Variants in SSBP3 observed in about 807,000 individuals in gnomAD.
SSBP3 encodes single-stranded DNA-binding protein 3.
Under a neutral mutation model 69.6 loss-of-function variants are expected in SSBP3, and 5 were observed. That is an observed-to-expected ratio of 0.07 (90% confidence interval 0.04 to 0.15). The LOEUF is 0.15. Among genes scored for constraint, SSBP3 ranks in the 10% least tolerant of loss-of-function variants. The pLI is 1.00. For synonymous variants in SSBP3, 196 were observed against 193.4 expected (o/e 1.01, Z -0.11); for missense variants, 312 against 534.0 (o/e 0.58, Z 4.10).
chr1:54,274,009 C>T (rs867120518), intron 5 of SSBP3, among the ~76,000 whole-genome samples: 7 of 152,198 alleles, frequency 4.6e-5, no homozygotes, highest in South Asian at 2.1e-4. Context: ...GACAGCAGGG[C>T]GGAGGAGCTG....
chr1:54,369,262 T>C, intron 4 of SSBP3, among the ~76,000 whole-genome samples: 1 of 110,526 alleles, frequency 9.0e-6, no homozygotes, highest in Non-Finnish European at 1.7e-5. Context: ...GGCGAGGGTT[T>C]GAGGTGAACT....
intron 5 of SSBP3, among the ~76,000 whole-genome samples, chr1:54,263,764 G>A (rs1421178741): frequency 6.6e-6 from 1 of 152,296 alleles, no homozygotes; most frequent in East Asian, 1.9e-4. Context: ...AGGTACCTTG[G>A]GGCAGGGCCC....
At chr1:54,388,716 G>A (rs1166712398) in intron 4 of SSBP3, among the ~76,000 whole-genome samples, 1 of 152,176 alleles carries the variant, frequency 6.6e-6, no homozygotes, top group Non-Finnish European at 1.5e-5. Context: ...GATGGGAGCT[G>A]TTCACACAGG....
At chr1:54,247,792 G>A (rs1036184458) in intron 9 of SSBP3, among the ~76,000 whole-genome samples, 2 of 152,178 alleles carry the variant, frequency 1.3e-5, no homozygotes, top group African/African-American at 4.8e-5. Context: ...GTCCAACCAG[G>A]AGCCCCTCAG....
At chr1:54,238,737 C>G (rs1381663048) in intron 14 of SSBP3, 2 of 320,770 alleles carry the variant, frequency 6.2e-6, no homozygotes, top group Non-Finnish European at 1.3e-5. Context: ...CTGGCTCCAC[C>G]CTCAACTCCA....
At chr1:54,240,047 G>GGGGTGT (rs759078115) in intron 13 of SSBP3, among the ~76,000 whole-genome samples, 5 of 77,806 alleles carry the variant, frequency 6.4e-5, no homozygotes, top group Non-Finnish European at 1.1e-4. Flanking sequence ...ATTGTGATGG[G>GGGGTGT]GTGTGTGTGT....
intron 5 of SSBP3, among the ~76,000 whole-genome samples, chr1:54,280,587 G>C (rs1040520643): frequency 3.9e-5 from 6 of 152,158 alleles, no homozygotes; most frequent in African/African-American, 1.4e-4. Context: ...TTGAAAGAAC[G>C]AGAGATGTTA....
chr1:54,396,204 A>ACAAAAC (rs1648863432), intron 4 of SSBP3, among the ~76,000 whole-genome samples: 5 of 148,326 alleles, frequency 3.4e-5, no homozygotes, highest in African/African-American at 1.2e-4. Context: ...AAAAAAAAAA[A>ACAAAAC]AAAAAAAAAA....
At chr1:54,343,184 T>C (rs747387132) in intron 4 of SSBP3, among the ~76,000 whole-genome samples, 2 of 152,184 alleles carry the variant, frequency 1.3e-5, no homozygotes, top group Non-Finnish European at 2.9e-5. Flanking sequence ...GCTTTTCATA[T>C]TGCTACTACC....
chr1:54,389,985 G>T (rs941726652), intron 4 of SSBP3, among the ~76,000 whole-genome samples: 1 of 151,896 alleles, frequency 6.6e-6, no homozygotes, highest in Non-Finnish European at 1.5e-5. Context: ...TACAAAATAG[G>T]AATAACAGAA....
chr1:54,259,962 T>C (rs1191905307), intron 5 of SSBP3, among the ~76,000 whole-genome samples: 1 of 152,248 alleles, frequency 6.6e-6, no homozygotes, highest in African/African-American at 2.4e-5. Flanking sequence ...CATTTAGCAA[T>C]TTTGCAAGCA....
At chr1:54,396,440 T>C (rs114072165) in intron 4 of SSBP3, among the ~76,000 whole-genome samples, 89 of 152,302 alleles carry the variant, frequency 5.8e-4, no homozygotes, top group African/African-American at 2.1e-3. Context: ...TTCTGTTATC[T>C]TGGCTGACAG....
At chr1:54,349,878 T>C (rs373091427) in intron 4 of SSBP3, among the ~76,000 whole-genome samples, 109 of 152,266 alleles carry the variant, frequency 7.2e-4, no homozygotes, top group African/African-American at 2.5e-3. Flanking sequence ...CTGGAATACA[T>C]AACACAAATT....
chr1:54,344,251 G>C (rs2100541336), intron 4 of SSBP3, among the ~76,000 whole-genome samples: 2 of 152,234 alleles, frequency 1.3e-5, no homozygotes, highest in East Asian at 3.9e-4. Context: ...CCAGAGTTTT[G>C]TTTACGTTTA....
At chr1:54,238,033 A>T (rs752569070) in intron 14 of SSBP3, 2 of 412,370 alleles carry the variant, frequency 4.9e-6, no homozygotes, top group South Asian at 3.6e-5. Context: ...CACTGACAAA[A>T]CCCAGGACTT....
intron 9 of SSBP3, 43 bp from the exon 10 acceptor site, chr1:54,243,342 C>T (rs757737330): frequency 3.1e-6 from 5 of 1,611,150 alleles, no homozygotes; most frequent in East Asian, 4.5e-5. Flanking sequence ...AGAAGGGAAC[C>T]GGAGACAGGA....
chr1:54,296,468 T>G (rs958159885), intron 4 of SSBP3, among the ~76,000 whole-genome samples: 1 of 152,218 alleles, frequency 6.6e-6, no homozygotes. Context: ...AATTATTAAT[T>G]TAAATTTGGG....
At chr1:54,232,012 C>G (rs747108308) in intron 14 of SSBP3, among the ~76,000 whole-genome samples, 1 of 152,144 alleles carries the variant, frequency 6.6e-6, no homozygotes, top group African/African-American at 2.4e-5. Flanking sequence ...TCTACTTTAA[C>G]TTTTGTGTAC....
chr1:54,351,015 T>C (rs1051929672), intron 4 of SSBP3, among the ~76,000 whole-genome samples: 1 of 151,968 alleles, frequency 6.6e-6, no homozygotes, highest in African/African-American at 2.4e-5. Flanking sequence ...TTTGTAGAGA[T>C]GGGGGTCTCG....
Sources: allele counts gnomAD v4.1 joint callset (sites outside exome capture counted in the v4.1 genomes callset), GRCh38; gene constraint gnomAD v4.1.1; transcripts MANE v1.5; gene names NCBI Gene and HGNC (gene_info 2026-07-23, HGNC 2026-07-21).